The following STK25 variants were observed in gnomAD, a reference collection of about 807,000 sequenced individuals.
The protein encoded by STK25 is serine/threonine kinase 25.
In STK25, 29 loss-of-function variants were observed where a neutral mutation model predicts 53.8. That is an observed-to-expected ratio of 0.54 (90% CI 0.40 to 0.74). The LOEUF (loss-of-function observed/expected upper bound fraction) is 0.74, where lower values mean the gene tolerates loss of function less well. Among genes scored for constraint, STK25 ranks in the 30% least tolerant of loss-of-function variants. The pLI is 0.00. For missense variants in STK25, 420 were observed against 568.0 expected (o/e 0.74, Z 2.65); for synonymous variants, 247 against 238.3 (o/e 1.04, Z -0.33).
At position 241,501,151 on chromosome 2, in the gene STK25, G is replaced by A. The variant is rs1016617409; in HGVS notation, c.261+327C>T. 1.5e-5 allele frequency: 8 copies of A among 544,704 alleles called. No homozygotes were observed. The highest frequency in any genetic ancestry group is 4.9e-4 in the Middle Eastern group (1 of 2,056). The allele number at this position is 544,704 out of a possible 1,614,324, so 33.7% of individuals were successfully genotyped here. A position where few individuals can be genotyped will look rare whatever the true frequency, so the allele number is the denominator to read the frequency against. On this transcript the variant is annotated intron_variant, in intron 3 of 11. Transcript: ENST00000316586. The surrounding 1 kb of genome is among the most constrained non-coding windows in gnomAD (Gnocchi z 5.3). ...CCCTCCTGGGCAGGATGGCCACAGCGTTCCCTACACCCCAGACACTGGCAC... is the reference window on the plus strand; with the variant it reads ...CCCTCCTGGGCAGGATGGCCACAGCATTCCCTACACCCCAGACACTGGCAC...
At chr2:241,499,508 T>G in intron 5 of STK25, 94 bp from the exon 6 acceptor site, 6 of 1,474,398 alleles carry the variant, frequency 4.1e-6, no homozygotes, top group Admixed American at 4.1e-5. Flanking sequence ...CCACCTGGCC[T>G]CCTAGGGCAC....
rs1343097378 is a variant in STK25 at position 241,508,433 on chromosome 2, G to A, written c.-101+10C>T. 1.9e-5 allele frequency: 21 copies of A among 1,079,114 alleles called. No individual in the cohort carries two copies. The highest frequency in any genetic ancestry group is 7.5e-5 in the South Asian group (3 of 39,760). 66.8% of individuals were successfully genotyped at this position (1,079,114 alleles called of 1,614,324 possible). On this transcript the variant is annotated intron_variant, in intron 1 of 11. Coordinates refer to ENST00000316586, the MANE Select transcript of STK25 (RefSeq NM_001271977.2). ...ATCGCCGCAAGCGCCCCGCCCGGCAGCGCGCCCACCTCCGCGGGGCTCCAT... is the reference window on the plus strand; with the variant it reads ...ATCGCCGCAAGCGCCCCGCCCGGCAACGCGCCCACCTCCGCGGGGCTCCAT...
chr2:241,508,975 C>T (rs1032166902), upstream of STK25, among the ~76,000 whole-genome samples: 1 of 152,086 alleles, frequency 6.6e-6, no homozygotes, highest in African/African-American at 2.4e-5. Context: ...CTGGTTCGAG[C>T]GGGCCAGTGA....
Position 241,508,444 on chromosome 2 carries a change from T to A in STK25, c.-102A>T. 9.4e-7 allele frequency: 1 copy of A among 1,069,036 alleles called. No homozygotes were observed. The highest frequency in any genetic ancestry group is 1.1e-6 in the Non-Finnish European group (1 of 881,706). 66.2% of individuals were successfully genotyped at this position (1,069,036 alleles called of 1,614,324 possible). The stretch of plus-strand genomic sequence containing the variant: ...CGCCCCGCCCGGCAGCGCGCCCACC[T>A]CCGCGGGGCTCCATCCCGGCCTCCC... On this transcript the variant is annotated splice_region_variant and 5_prime_UTR_variant, in exon 1 of 12. Coordinates refer to ENST00000316586, the MANE Select transcript of STK25 (RefSeq NM_001271977.2).
chr2:241,495,991 C>T (rs1211693244), intron 11 of STK25, among the ~76,000 whole-genome samples: 1 of 152,236 alleles, frequency 6.6e-6, no homozygotes, highest in African/African-American at 2.4e-5. Context: ...CGGTGGAGGG[C>T]CCAGCATCTG....
chr2:241,506,095 C>T (rs1425128569), intron 2 of STK25, among the ~76,000 whole-genome samples: 1 of 152,230 alleles, frequency 6.6e-6, no homozygotes, highest in Non-Finnish European at 1.5e-5. Context: ...CCCTCCAGGG[C>T]CAGGCAGGAA....
In STK25 at chr2:241,508,073, G is replaced by A; in HGVS notation, c.-38C>T. ...TCAGACCCTCCGCCAGCAGCCCCAG[G>A]AGGCGTCTGGATCCCGCGGAGAGGC... is the stretch of plus-strand genomic sequence containing the variant. On this transcript the variant is annotated 5_prime_UTR_variant, in exon 2 of 12. Coordinates refer to ENST00000316586, the MANE Select transcript of STK25 (RefSeq NM_001271977.2). The A allele has an allele frequency of 1.3e-6, 2 of 1,582,486 alleles. No homozygotes were observed. The highest frequency in any genetic ancestry group is 3.6e-5 in the Admixed American group (2 of 55,162).
chr2:241,498,258 T>C lies in STK25; in HGVS notation c.1009A>G (p.Thr337Ala), dbSNP rs541808347. Reference protein sequence around the residue: ...PSPHSKLHKGTALHSSQKPAE... With the variant: ...PSPHSKLHKGAALHSSQKPAE... ...ACCTTCTGTGAACTGTGCAGGGCCG[T>C]CCCCTTGTGAAGCTTGCTGTGTGGA... The change falls in exon 9 of 12, where the codon ACG (threonine) becomes GCG (alanine). Residue 337 changes from threonine to alanine, a missense_variant. Thr to Ala is a moderately conservative substitution (Grantham distance 58). Transcript: ENST00000316586. 3.3e-5 allele frequency: 53 copies of C among 1,612,214 alleles called. No homozygotes were observed. The African/African-American group carries it at 5.7e-4, about 17-fold the overall frequency.
chr2:241,504,477 C>A (rs2065702374), intron 2 of STK25, among the ~76,000 whole-genome samples: 1 of 152,154 alleles, frequency 6.6e-6, no homozygotes, highest in South Asian at 2.1e-4. Context: ...CTGTGTCTGC[C>A]CCCAGCCCCA....
rs868855513 is a variant in STK25, at chr2:241,505,122, A to G, written c.30+2884T>C. ...TGAATTTTTGTAGAGACAGGGTTTC[A>G]CCATGTTGGCCAGGCTAGTCTCGAA... is the stretch of plus-strand genomic sequence containing the variant. On this transcript the variant is annotated intron_variant, in intron 2 of 11. Transcript: ENST00000316586. 2.0e-5 allele frequency among the ~76,000 whole-genome samples: 3 copies of G among 149,114 alleles called. No homozygotes were observed. In the South Asian group the frequency reaches 6.4e-4, roughly 32 times the overall value.
intron 2 of STK25, 98 bp downstream of exon 2, chr2:241,507,908 C>G: frequency 7.7e-7 from 1 of 1,298,126 alleles, no homozygotes; most frequent in Non-Finnish European, 1.1e-6. Context: ...CCTCACCCCA[C>G]TGCCCGCTCC....
chr2:241,493,279 A>G lies in STK25; in HGVS notation c.*2383T>C, dbSNP rs1340927433. ...CCCAGCCCCTGGAACCCGTGTCCCT[A>G]TGCTGTCTTGCAGGATGACTACCCA... On this transcript the variant is annotated 3_prime_UTR_variant, in exon 12 of 12. Coordinates refer to ENST00000316586, the MANE Select transcript of STK25 (RefSeq NM_001271977.2). The G allele has an allele frequency of 6.2e-7, 1 of 1,613,180 alleles. No homozygotes were observed. The highest frequency in any genetic ancestry group is 1.7e-5 in the Admixed American group (1 of 59,994).
At chr2:241,507,021 C>T (rs1028250203) in intron 2 of STK25, among the ~76,000 whole-genome samples, 1 of 152,166 alleles carries the variant, frequency 6.6e-6, no homozygotes, top group Non-Finnish European at 1.5e-5. Flanking sequence ...CAGTTCCTGC[C>T]CCTACGCGAA....
chr2:241,496,651 A>G lies in STK25; in HGVS notation c.1105-117T>C. On this transcript the variant is annotated intron_variant, in intron 10 of 11. Coordinates refer to ENST00000316586, the MANE Select transcript of STK25 (RefSeq NM_001271977.2). The surrounding 1 kb of genome is among the most constrained non-coding windows in gnomAD (Gnocchi z 5.8). Reference sequence around the variant, plus strand: ...TTCAGGGCTCTCGCCTAGGAGCCACACCCGGGAGCCCTTCAGCAAGCCGGG... The same window carrying G: ...TTCAGGGCTCTCGCCTAGGAGCCACGCCCGGGAGCCCTTCAGCAAGCCGGG... 1 of 1,190,182 alleles carries G rather than the reference A, an allele frequency of 8.4e-7. No homozygotes were observed. Among genetic ancestry groups the G allele is most frequent in the East Asian group, 2.6e-5 (1 of 38,672 alleles). The allele number at this position is 1,190,182 out of a possible 1,614,324, so 73.7% of individuals were successfully genotyped here.
chr2:241,492,713 C>T lies in STK25; in HGVS notation c.*2949G>A, dbSNP rs2124922795. 3.8e-6 allele frequency: 2 copies of T among 525,272 alleles called. No individual in the cohort carries two copies. The highest frequency in any genetic ancestry group is 1.9e-5 in the African/African-American group (1 of 52,508). The allele number at this position is 525,272 out of a possible 1,614,324, so 32.5% of individuals were successfully genotyped here. On this transcript the variant is annotated 3_prime_UTR_variant, in exon 12 of 12. Transcript: ENST00000316586. Reference sequence around the variant, plus strand: ...CTTTATTGTGCACAGGGAAAGGGAACTCACTTTACTTGGTGCCTGGAATGT... The same window carrying T: ...CTTTATTGTGCACAGGGAAAGGGAATTCACTTTACTTGGTGCCTGGAATGT...
At chr2:241,497,551 C>T (rs1161104232) in intron 10 of STK25, 65 bp downstream of exon 10, 11 of 1,517,590 alleles carry the variant, frequency 7.2e-6, no homozygotes, top group Middle Eastern at 1.7e-4. Context: ...GAGACATCTC[C>T]GTGCAACAGT....
chr2:241,493,513 A>G lies in STK25; in HGVS notation c.*2149T>C. ...GTCCGCTCAGCTCCCATTTCTACTC[A>G]TGGTGGTGGAGGCAAGTTTTCTGGG... On this transcript the variant is annotated 3_prime_UTR_variant, in exon 12 of 12. Coordinates refer to ENST00000316586, the MANE Select transcript of STK25 (RefSeq NM_001271977.2). 1 of 1,481,908 alleles carries G rather than the reference A, an allele frequency of 6.7e-7. No homozygotes were observed. The highest frequency in any genetic ancestry group is 9.4e-7 in the Non-Finnish European group (1 of 1,066,894). The allele number at this position is 1,481,908 out of a possible 1,614,324, so 91.8% of individuals were successfully genotyped here. A position where few individuals can be genotyped will look rare whatever the true frequency, so the allele number is the denominator to read the frequency against.
rs1158727446 is a variant in STK25 at position 241,508,059 on chromosome 2, G to A, written c.-24C>T. ...ATGGCCGCGCCGCCTCAGACCCTCC[G>A]CCAGCAGCCCCAGGAGGCGTCTGGA... On this transcript the variant is annotated 5_prime_UTR_variant, in exon 2 of 12. Transcript: ENST00000316586. The A allele has an allele frequency of 1.9e-6, 3 of 1,595,104 alleles. No homozygotes were observed. Among genetic ancestry groups the A allele is most frequent in the Admixed American group, 1.7e-5 (1 of 57,440 alleles).
At position 241,494,700 on chromosome 2, in the gene STK25, C is replaced by T. The variant is rs892873331; in HGVS notation, c.*962G>A. On this transcript the variant is annotated 3_prime_UTR_variant, in exon 12 of 12. Coordinates refer to ENST00000316586, the MANE Select transcript of STK25 (RefSeq NM_001271977.2). The surrounding 1 kb of genome is among the most constrained non-coding windows in gnomAD (Gnocchi z 4.9). ...TGTTCCCCATGTACCTCTAGAGAAGCAGAAACCAAAGTCCCCCTGTGCCCT... is the reference window on the plus strand; with the variant it reads ...TGTTCCCCATGTACCTCTAGAGAAGTAGAAACCAAAGTCCCCCTGTGCCCT... 6.6e-6 allele frequency: 1 copy of T among 152,226 alleles called. No individual in the cohort carries two copies. Among genetic ancestry groups the T allele is most frequent in the African/African-American group, 2.4e-5 (1 of 41,444 alleles). 9.4% of individuals were successfully genotyped at this position (152,226 alleles called of 1,614,324 possible). A position where few individuals can be genotyped will look rare whatever the true frequency, so the allele number is the denominator to read the frequency against.
Sources: allele counts gnomAD v4.1 joint callset (sites outside exome capture counted in the v4.1 genomes callset), GRCh38; gene constraint gnomAD v4.1.1; non-coding constraint Gnocchi (gnomAD v3.1); transcripts MANE v1.5; gene names NCBI Gene and HGNC (gene_info 2026-07-23, HGNC 2026-07-21).